PTPRN2: variants seen among roughly 807,000 people sequenced by gnomAD.
PTPRN2 encodes protein tyrosine phosphatase receptor type N2.
Under a neutral mutation model 118.8 loss-of-function variants are expected in PTPRN2, and 74 were observed. The observed-to-expected ratio is 0.62, with a 90% CI of 0.52 to 0.76. The LOEUF is 0.76. Ranked by LOEUF, PTPRN2 falls within the 30% of genes least tolerant of loss-of-function variation. The pLI is 0.00. For missense variants in PTPRN2, 1,481 were observed against 1,394.4 expected (o/e 1.06, Z -0.99); for synonymous variants, 641 against 608.0 (o/e 1.05, Z -0.80).
intron 12 of PTPRN2, chr7:157,865,529 G>A (rs1337530577): frequency 1.3e-5 from 2 of 152,268 alleles, no homozygotes; most frequent in African/African-American, 4.8e-5. Context: ...TGCAAAGCTG[G>A]TCTGACTGTG....
At chr7:157,620,662 T>C (rs1803110306) in intron 15 of PTPRN2, among the ~76,000 whole-genome samples, 1 of 152,214 alleles carries the variant, frequency 6.6e-6, no homozygotes, top group African/African-American at 2.4e-5. Context: ...ATAGAGCTGA[T>C]GCTCACTGGG....
chr7:157,701,992 C>A (rs1246137342), intron 12 of PTPRN2, among the ~76,000 whole-genome samples: 1 of 150,376 alleles, frequency 6.6e-6, no homozygotes, highest in Non-Finnish European at 1.5e-5. Flanking sequence ...GTAAGAGAGC[C>A]GGGTAGGTGC....
rs528604321 is a variant in PTPRN2 at position 157,999,888 on chromosome 7, TTTCA to T, written c.1723+81406_1723+81409del. 2.6e-3 allele frequency among the ~76,000 whole-genome samples: 397 copies of T among 152,208 alleles called. 3 individuals carry two copies. Among genetic ancestry groups the T allele is most frequent in the African/African-American group, 9.2e-3 (382 of 41,524 alleles). On this transcript the variant is annotated intron_variant, in intron 11 of 22. Coordinates refer to ENST00000389418, the MANE Select transcript of PTPRN2 (RefSeq NM_002847.5). ...TTTATTTTTACTTTTTTTTTTTATT[TTTCA>T]TTATTATTTTTTGAGTCAGAGTCTC...
chr7:158,280,719 G>A (rs914904120), intron 3 of PTPRN2, among the ~76,000 whole-genome samples: 2 of 152,186 alleles, frequency 1.3e-5, no homozygotes, highest in African/African-American at 4.8e-5. Context: ...GCTGAGGAAC[G>A]TGTTATCAAT....
At chr7:157,958,196 C>T (rs531891252) in intron 11 of PTPRN2, among the ~76,000 whole-genome samples, 66 of 152,158 alleles carry the variant, frequency 4.3e-4, no homozygotes, top group Non-Finnish European at 8.5e-4. Context: ...CAAAATTCAA[C>T]CCTCTTTCAT....
chr7:158,078,848 GTTTC>G (rs1175205252), intron 11 of PTPRN2, among the ~76,000 whole-genome samples: 2 of 151,810 alleles, frequency 1.3e-5, no homozygotes, highest in Non-Finnish European at 2.9e-5. Context: ...GGTTTTTTTT[GTTTC>G]TTTGTTTGTT....
intron 9 of PTPRN2, among the ~76,000 whole-genome samples, chr7:158,128,599 G>A (rs992601350): frequency 2.0e-5 from 3 of 152,162 alleles, no homozygotes; most frequent in African/African-American, 2.4e-5. Flanking sequence ...CAGAAAGTGC[G>A]AGGCTGCTGC....
At chr7:158,104,468 A>G (rs1048225771) in intron 10 of PTPRN2, among the ~76,000 whole-genome samples, 8 of 152,148 alleles carry the variant, frequency 5.3e-5, no homozygotes, top group African/African-American at 1.9e-4. Flanking sequence ...AGGGCCCCTC[A>G]CAAGATGAAA....
At chr7:158,301,224 A>T (rs188106690) in intron 3 of PTPRN2, among the ~76,000 whole-genome samples, 278 of 152,302 alleles carry the variant, frequency 1.8e-3, no homozygotes, top group Middle Eastern at 6.8e-3. Flanking sequence ...TGCACTTTGC[A>T]CGGGCCGTGC....
At chr7:157,796,790 C>T (rs1175045620) in intron 12 of PTPRN2, among the ~76,000 whole-genome samples, 1 of 152,130 alleles carries the variant, frequency 6.6e-6, no homozygotes, top group Non-Finnish European at 1.5e-5. Flanking sequence ...AGGGGCTACC[C>T]AGGTTTAAAC....
intron 2 of PTPRN2, among the ~76,000 whole-genome samples, chr7:158,422,095 T>C (rs1348621384): frequency 6.6e-6 from 1 of 152,238 alleles, no homozygotes; most frequent in African/African-American, 2.4e-5. Context: ...GAATATCTAC[T>C]GAAAAGTATC....
At chr7:158,302,330 CA>C (rs1800952633) in intron 3 of PTPRN2, among the ~76,000 whole-genome samples, 1 of 152,222 alleles carries the variant, frequency 6.6e-6, no homozygotes, top group Admixed American at 6.5e-5. Context: ...GGTGAACCAC[CA>C]TCAGTGATCC....
At position 157,568,929 on chromosome 7, in the gene PTPRN2, C is replaced by G. The variant is rs1196200371; in HGVS notation, c.2875G>C (p.Asp959His). ...AGRSGTYVLI[D>H]MVLNKMAKGA... ...TTGGCCATCTTGTTGAGAACCATGT[C>G]GATCAGGACGTAGGTGCCGCTCCGG... Residue 959 changes from aspartate (D) to histidine (H), a missense_variant, in exon 21 of 23, where the codon GAC (aspartate) becomes CAC (histidine). Around this residue, in one of 3 missense-constraint regions of PTPRN2, gnomAD observed 362 missense variants for 384.1 expected, o/e 0.94. Coordinates refer to ENST00000389418, the MANE Select transcript of PTPRN2 (RefSeq NM_002847.5). The G allele has an allele frequency of 2.5e-6, 4 of 1,577,208 alleles. No individual in the cohort carries two copies. Among genetic ancestry groups the G allele is most frequent in the Non-Finnish European group, 2.6e-6 (3 of 1,146,728 alleles).
intron 6 of PTPRN2, among the ~76,000 whole-genome samples, chr7:158,150,256 G>A (rs757698924): frequency 1.3e-5 from 2 of 152,240 alleles, no homozygotes; most frequent in Admixed American, 6.5e-5. Context: ...ATTCATGAGA[G>A]ATTTTTAAAC....
At chr7:157,996,872 G>T (rs373845448) in intron 11 of PTPRN2, among the ~76,000 whole-genome samples, 1 of 152,034 alleles carries the variant, frequency 6.6e-6, no homozygotes, top group South Asian at 2.1e-4. Flanking sequence ...CTTCCCCCAC[G>T]CCAGGCCCTC....
chr7:158,413,699 GT>G (rs777016325), intron 2 of PTPRN2, among the ~76,000 whole-genome samples: 5 of 152,366 alleles, frequency 3.3e-5, no homozygotes, highest in Admixed American at 1.3e-4. Context: ...GAGGACCCCA[GT>G]CTCTCAGCCT....
In PTPRN2 at chr7:157,977,875, G is replaced by A. The variant is rs1585124152; in HGVS notation, c.1724-79138C>T. 6.6e-6 allele frequency among the ~76,000 whole-genome samples: 1 copy of A among 151,826 alleles called. No homozygotes were observed. Among genetic ancestry groups the A allele is most frequent in the Non-Finnish European group, 1.5e-5 (1 of 67,908 alleles). ...ACTGGTGGCAGCTGGGACAAGAGTC[G>A]TGGCTGAGGAGGAGGGAAGGAGGTC... On this transcript the variant is annotated intron_variant, in intron 11 of 22. Coordinates refer to ENST00000389418, the MANE Select transcript of PTPRN2 (RefSeq NM_002847.5). This position sits in a 1 kb window ranked among gnomAD's most constrained non-coding sequence, Gnocchi z 4.6.
Position 158,071,404 on chromosome 7 carries a change from TGGAG to T in PTPRN2, c.1723+9890_1723+9893del, listed in dbSNP as rs1242732258. On this transcript the variant is annotated intron_variant, in intron 11 of 22. Coordinates refer to ENST00000389418, the MANE Select transcript of PTPRN2 (RefSeq NM_002847.5). ...GTGCTCGTGGTGGAGGTGCTCGTGG[TGGAG>T]TTGCTCCTGGTGGTGGAGGTGCTCG... 5.2e-4 allele frequency among the ~76,000 whole-genome samples: 55 copies of T among 106,202 alleles called. 1 individual carries two copies. The highest frequency in any genetic ancestry group is 1.7e-3 in the African/African-American group (46 of 26,662). 69.7% of individuals were successfully genotyped at this position (106,202 alleles called of 152,430 possible).
At chr7:158,433,467 G>A (rs1488600973) in intron 2 of PTPRN2, among the ~76,000 whole-genome samples, 1 of 152,016 alleles carries the variant, frequency 6.6e-6, no homozygotes, top group Non-Finnish European at 1.5e-5. Flanking sequence ...TGATCACAGG[G>A]TAAAAAAAAT....
Sources: allele counts gnomAD v4.1 joint callset (sites outside exome capture counted in the v4.1 genomes callset), GRCh38; gene constraint gnomAD v4.1.1; regional missense constraint gnomAD v4.1.1; non-coding constraint Gnocchi (gnomAD v3.1); transcripts MANE v1.5; gene names NCBI Gene and HGNC (gene_info 2026-07-23, HGNC 2026-07-21).